The following RORA variants were observed in gnomAD, a reference collection of about 807,000 sequenced individuals.
The protein encoded by RORA is RAR related orphan receptor A.
A neutral mutation model predicts 69.5 loss-of-function variants in RORA; 7 were observed. The observed-to-expected ratio is 0.10, with a 90% CI of 0.06 to 0.19. The LOEUF is 0.19. RORA is among the 10% of genes least tolerant of loss of function. The pLI is 1.00. For missense variants in RORA, 457 were observed against 663.0 expected, an observed-to-expected ratio of 0.69 and a Z score of 3.41; for synonymous variants, 261 against 240.8, an observed-to-expected ratio of 1.08 and a Z score of -0.78.
chr15:60,797,668 G>GCCAAGGACA (rs1210271964), intron 1 of RORA, among the ~76,000 whole-genome samples: 1 of 152,136 alleles, frequency 6.6e-6, no homozygotes, highest in Non-Finnish European at 1.5e-5. Flanking sequence ...TACGGGCCCA[G>GCCAAGGACA]CCAAGGACAC....
intron 1 of RORA, among the ~76,000 whole-genome samples, chr15:60,828,852 A>G (rs1258731788): frequency 6.6e-6 from 1 of 152,146 alleles, no homozygotes; most frequent in African/African-American, 2.4e-5. Context: ...AAACCTCTGT[A>G]AAGGTGCAGA....
chr15:60,943,968 T>C (rs191460751), intron 1 of RORA, among the ~76,000 whole-genome samples: 1 of 127,422 alleles, frequency 7.8e-6, no homozygotes, highest in East Asian at 2.2e-4. Context: ...GGGGACCAGA[T>C]GAGAGCATAA....
intron 1 of RORA, among the ~76,000 whole-genome samples, chr15:60,734,481 G>A (rs1208438656): frequency 6.6e-6 from 1 of 152,204 alleles, no homozygotes; most frequent in Non-Finnish European, 1.5e-5. Flanking sequence ...GAGAGCTTGA[G>A]AGATTTGAGT....
At chr15:60,894,754 G>GA (rs962311735) in intron 1 of RORA, among the ~76,000 whole-genome samples, 9 of 152,170 alleles carry the variant, frequency 5.9e-5, no homozygotes, top group African/African-American at 2.2e-4. Context: ...CTGGCCTGGG[G>GA]AACCATGCTT....
At chr15:61,059,495 A>T (rs2140532068) in intron 1 of RORA, among the ~76,000 whole-genome samples, 1 of 152,366 alleles carries the variant, frequency 6.6e-6, no homozygotes, top group East Asian at 1.9e-4. Flanking sequence ...TTATTACAAG[A>T]CCATTGTATA....
At chr15:60,553,466 T>C (rs1277154010) in intron 2 of RORA, among the ~76,000 whole-genome samples, 1 of 152,190 alleles carries the variant, frequency 6.6e-6, no homozygotes, top group Non-Finnish European at 1.5e-5. Context: ...TATTATATAA[T>C]AAAGCATAGA....
At chr15:60,963,799 G>A (rs534445052) in intron 1 of RORA, among the ~76,000 whole-genome samples, 9 of 152,326 alleles carry the variant, frequency 5.9e-5, no homozygotes, top group Middle Eastern at 6.8e-3. Context: ...TGGCTAACAT[G>A]AACAAGCTCA....
At chr15:60,539,733 CTT>C (rs1018803245) in intron 2 of RORA, among the ~76,000 whole-genome samples, 1 of 149,630 alleles carries the variant, frequency 6.7e-6, no homozygotes, top group Admixed American at 6.6e-5. Flanking sequence ...TTTTTTTTTT[CTT>C]TTTGTTTTTC....
intron 1 of RORA, among the ~76,000 whole-genome samples, chr15:60,979,716 ATG>A (rs1407184326): frequency 9.1e-6 from 1 of 109,382 alleles, no homozygotes; most frequent in Non-Finnish European, 2.0e-5. Context: ...AACTCTAATA[ATG>A]TGTGTGTATG....
chr15:61,187,990 C>CA (rs1473260931), intron 1 of RORA, among the ~76,000 whole-genome samples: 1 of 152,182 alleles, frequency 6.6e-6, no homozygotes, highest in Non-Finnish European at 1.5e-5. Flanking sequence ...TCAGACCTGC[C>CA]AGGCCTTCTT....
chr15:60,814,541 C>T (rs1001290856), intron 1 of RORA, among the ~76,000 whole-genome samples: 1 of 152,052 alleles, frequency 6.6e-6, no homozygotes, highest in East Asian at 1.9e-4. Flanking sequence ...CCAACATAGT[C>T]CCCGGGATAT....
chr15:60,621,602 A>G (rs1446373560), intron 2 of RORA, among the ~76,000 whole-genome samples: 3 of 152,126 alleles, frequency 2.0e-5, no homozygotes, highest in East Asian at 1.9e-4. Flanking sequence ...TTTGTCCCAC[A>G]CCTGCTTTTT....
intron 1 of RORA, chr15:61,214,307 C>A (rs2080018620): frequency 1.3e-5 from 2 of 152,188 alleles, no homozygotes; most frequent in Non-Finnish European, 2.9e-5. Context: ...TGTATTAAAA[C>A]TTCTCCACTA....
intron 2 of RORA, among the ~76,000 whole-genome samples, chr15:60,624,176 T>A (rs1423253109): frequency 6.6e-6 from 1 of 152,172 alleles, no homozygotes; most frequent in East Asian, 1.9e-4. Context: ...GAAAGAAACA[T>A]CAGATCTGAA....
intron 1 of RORA, among the ~76,000 whole-genome samples, chr15:60,722,591 A>T (rs1301457801): frequency 6.6e-6 from 1 of 152,182 alleles, no homozygotes; most frequent in African/African-American, 2.4e-5. Flanking sequence ...CAAGAGTCCC[A>T]CCTAAGGACA....
chr15:61,159,972 G>C (rs748014632), intron 1 of RORA, among the ~76,000 whole-genome samples: 14 of 152,180 alleles, frequency 9.2e-5, no homozygotes, highest in Admixed American at 5.9e-4. Context: ...TTGGGTAGTG[G>C]ACCCTGGGAT....
At chr15:61,077,849 C>A (rs540678865) in intron 1 of RORA, among the ~76,000 whole-genome samples, 2 of 152,220 alleles carry the variant, frequency 1.3e-5, no homozygotes, top group Admixed American at 6.5e-5. Flanking sequence ...ATTTCTGTAC[C>A]CTCACATGCA....
intron 1 of RORA, among the ~76,000 whole-genome samples, chr15:61,171,692 C>T (rs1465812): frequency 0.41 from 62,482 of 152,008 alleles, 13,915 homozygotes; most frequent in Non-Finnish European, 0.5. Flanking sequence ...TCCACTGCTC[C>T]TGGAGGTGGC....
chr15:60,561,082 G>GTTTTTTTTTTTTTTTGTT (rs571970599), intron 2 of RORA, among the ~76,000 whole-genome samples: 1 of 122,052 alleles, frequency 8.2e-6, no homozygotes. Context: ...TTTTGTTTTT[G>GTTTTTTTTTTTTTTTGTT]TTTTTTTTTT....
Sources: allele counts gnomAD v4.1 joint callset (sites outside exome capture counted in the v4.1 genomes callset), GRCh38; gene constraint gnomAD v4.1.1; transcripts MANE v1.5; gene names NCBI Gene and HGNC (gene_info 2026-07-23, HGNC 2026-07-21).